Variants in LDLRAD4 observed in about 807,000 individuals in gnomAD.
LDLRAD4 encodes low-density lipoprotein receptor class A domain-containing protein 4.
Under a neutral mutation model 17.0 loss-of-function variants are expected in LDLRAD4, and 5 were observed. The ratio of observed to expected loss-of-function variants is 0.29; its 90% CI spans 0.15 to 0.62. LDLRAD4 has a LOEUF of 0.62. Among genes scored for constraint, LDLRAD4 ranks in the 20% least tolerant of loss-of-function variants. LDLRAD4 has a pLI of 0.84. For synonymous variants in LDLRAD4, 168 were observed against 171.8 expected (o/e 0.98, Z 0.17); for missense variants, 340 against 424.7 (o/e 0.80, Z 1.75).
At chr18:13,549,237 C>T (rs1345030605) in intron 3 of LDLRAD4, among the ~76,000 whole-genome samples, 1 of 152,224 alleles carries the variant, frequency 6.6e-6, no homozygotes, top group Non-Finnish European at 1.5e-5. Context: ...GCCAAGCTCC[C>T]TGCTGGCAGT....
chr18:13,407,350 G>A (rs1351193499), intron 2 of LDLRAD4, among the ~76,000 whole-genome samples: 2 of 152,138 alleles, frequency 1.3e-5, no homozygotes, highest in Non-Finnish European at 2.9e-5. Context: ...ATTAATTGAC[G>A]GTGATGTGAT....
intron 3 of LDLRAD4, among the ~76,000 whole-genome samples, chr18:13,439,236 A>G (rs1600274892): frequency 6.6e-6 from 1 of 152,324 alleles, no homozygotes; most frequent in East Asian, 1.9e-4. Context: ...TTTGTTATGG[A>G]AATTAGACTA....
chr18:13,274,616 C>T (rs1287863966), upstream of LDLRAD4, among the ~76,000 whole-genome samples: 1 of 152,214 alleles, frequency 6.6e-6, no homozygotes, highest in Non-Finnish European at 1.5e-5. Flanking sequence ...GGGAATATAT[C>T]ATACAGTCCT....
chr18:13,589,565 C>G (rs763251955), intron 3 of LDLRAD4, among the ~76,000 whole-genome samples: 17 of 152,192 alleles, frequency 1.1e-4, no homozygotes, highest in Non-Finnish European at 1.9e-4. Flanking sequence ...TCCTCTTACA[C>G]AGGAGTCAGC....
Position 13,453,518 on chromosome 18 carries a change from T to A in LDLRAD4, c.181+15134T>A, listed in dbSNP as rs139181296. Among the ~76,000 whole-genome samples, 467 of 151,856 alleles carry A rather than the reference T, an allele frequency of 3.1e-3. 1 individual carries two copies. The highest frequency in any genetic ancestry group is 0.011 in the African/African-American group (453 of 41,474). ...AGGAAGGCAGGTTTGATCCCTGGAG[T>A]CACTTGTGACGCAAAAAAAAAGCAT... On this transcript the variant is annotated intron_variant, in intron 3 of 5. Transcript: ENST00000359446.
At chr18:13,479,731 T>G (rs1600688585) in intron 3 of LDLRAD4, among the ~76,000 whole-genome samples, 1 of 151,572 alleles carries the variant, frequency 6.6e-6, no homozygotes, top group East Asian at 1.9e-4. Context: ...AACTCAACAG[T>G]AAGAAAAAAG....
intron 3 of LDLRAD4, among the ~76,000 whole-genome samples, chr18:13,468,616 A>C (rs1449026418): frequency 6.6e-6 from 1 of 152,118 alleles, no homozygotes; most frequent in African/African-American, 2.4e-5. Context: ...TCCAACAACG[A>C]TAGACTGGAT....
chr18:13,279,076 G>A (rs1397067013), intron 1 of LDLRAD4, among the ~76,000 whole-genome samples: 2 of 152,180 alleles, frequency 1.3e-5, no homozygotes, highest in Non-Finnish European at 2.9e-5. Context: ...GGTTCTGTGT[G>A]GGGGCAGCTC....
intron 1 of LDLRAD4, among the ~76,000 whole-genome samples, chr18:13,244,553 GTTA>G (rs1269411343): frequency 2.6e-5 from 4 of 152,200 alleles, no homozygotes; most frequent in Non-Finnish European, 5.9e-5. Flanking sequence ...CTCTCTTTTT[GTTA>G]TTATAATTAC....
intron 1 of LDLRAD4, among the ~76,000 whole-genome samples, chr18:13,351,244 G>C (rs8092304): frequency 0.31 from 47,036 of 151,846 alleles, 7,330 homozygotes; most frequent in South Asian, 0.37. Flanking sequence ...TCATGATATT[G>C]ATTCTTTCTA....
chr18:13,330,019 G>T lies in LDLRAD4; in HGVS notation c.-383+51831G>T, dbSNP rs186200337. On this transcript the variant is annotated intron_variant, in intron 1 of 5. Coordinates refer to ENST00000359446, the Ensembl canonical transcript of LDLRAD4. ...TGCCCAGGCTGGAGTGCAGTGGCGC[G>T]ATCTCCGCTCACTGCAAACTCTGCC... 1.7e-3 allele frequency among the ~76,000 whole-genome samples: 252 copies of T among 151,476 alleles called. 2 individuals are homozygous for T. The highest frequency in any genetic ancestry group is 5.9e-3 in the African/African-American group (243 of 41,268).
chr18:13,294,466 A>G (rs1023337373), intron 1 of LDLRAD4, among the ~76,000 whole-genome samples: 1 of 152,272 alleles, frequency 6.6e-6, no homozygotes, highest in Non-Finnish European at 1.5e-5. Flanking sequence ...AGCTGTTATT[A>G]TAGAAGAGTG....
intron 4 of LDLRAD4, among the ~76,000 whole-genome samples, chr18:13,633,697 A>G (rs1453783671): frequency 6.8e-6 from 1 of 146,580 alleles, no homozygotes; most frequent in Admixed American, 6.8e-5. Context: ...AGCAGGCAGC[A>G]GGAGCGGGGA....
At chr18:13,288,243 A>G (rs1463510019) in intron 1 of LDLRAD4, among the ~76,000 whole-genome samples, 1 of 152,238 alleles carries the variant, frequency 6.6e-6, no homozygotes, top group Admixed American at 6.5e-5. Flanking sequence ...CAAATGTCCC[A>G]ACCTCAACTT....
At chr18:13,594,767 TC>T (rs1352049418) in intron 3 of LDLRAD4, among the ~76,000 whole-genome samples, 1 of 151,392 alleles carries the variant, frequency 6.6e-6, no homozygotes, top group African/African-American at 2.4e-5. Flanking sequence ...GGAAGTGTTC[TC>T]TTCTCCAAAA....
intron 3 of LDLRAD4, among the ~76,000 whole-genome samples, chr18:13,491,885 A>T (rs1286723311): frequency 6.6e-6 from 1 of 152,230 alleles, no homozygotes; most frequent in East Asian, 1.9e-4. Flanking sequence ...TGAAATTTGC[A>T]GAACACCACC....
intron 1 of LDLRAD4, among the ~76,000 whole-genome samples, chr18:13,266,414 G>C (rs898986029): frequency 6.6e-6 from 1 of 152,124 alleles, no homozygotes; most frequent in African/African-American, 2.4e-5. Context: ...GAGCAGTCTC[G>C]GGGACAACAG....
At chr18:13,496,387 G>T (rs1259215292) in intron 3 of LDLRAD4, among the ~76,000 whole-genome samples, 1 of 152,156 alleles carries the variant, frequency 6.6e-6, no homozygotes, top group Non-Finnish European at 1.5e-5. Flanking sequence ...TCTATTAAAA[G>T]ATTTTCAGGG....
At chr18:13,233,177 T>C (rs1240944321) in intron 1 of LDLRAD4, among the ~76,000 whole-genome samples, 1 of 152,230 alleles carries the variant, frequency 6.6e-6, no homozygotes, top group Non-Finnish European at 1.5e-5. Flanking sequence ...GGCGAAGTGC[T>C]CTTGGGTCTG....
Sources: gnomAD v4.1 joint callset for allele counts (sites outside exome capture counted in the v4.1 genomes callset) on GRCh38, gnomAD v4.1.1 for gene constraint, MANE v1.5 for transcripts, NCBI Gene and HGNC (gene_info 2026-07-23, HGNC 2026-07-21) for gene names.